The following DUX4 variants were observed in gnomAD, a reference collection of about 807,000 sequenced individuals.
The protein encoded by DUX4 is double homeobox 4.
At chr4:190,181,719 AC>A (rs1742591702) in intron 1 of DUX4, among the ~76,000 whole-genome samples, 31 of 134,936 alleles carry the variant, frequency 2.3e-4, no homozygotes, top group East Asian at 4.4e-4. Flanking sequence ...CAGATCCAAC[AC>A]AAGAGTTACA....
chr4:190,179,069 A>ACATCT (rs1742476693), downstream of DUX4, among the ~76,000 whole-genome samples: 1 of 1,694 alleles, frequency 5.9e-4, no homozygotes, highest in Non-Finnish European at 1.1e-3. Context: ...GAGTCCCATT[A>ACATCT]CTTGGGTGAT....
downstream of DUX4, chr4:190,175,932 G>C (rs1463561773): frequency 1.6e-5 from 2 of 123,952 alleles, 1 homozygote; most frequent in Non-Finnish European, 3.5e-5. Context: ...ACAGAACTTC[G>C]GTGATCAGTG....
chr4:190,177,199 G>GGCAGAGCCTAGATAAAT (rs1742351221), downstream of DUX4, among the ~76,000 whole-genome samples: 1 of 125,618 alleles, frequency 8.0e-6, no homozygotes, highest in Non-Finnish European at 1.7e-5. Flanking sequence ...CGCCCCTGTA[G>GGCAGAGCCTAGATAAAT]GCAGAGCCTA....
rs1276279020 is a variant in DUX4, at chr4:190,183,740, C to A, written n.93-1601C>A. On this transcript the variant is annotated intron_variant and non_coding_transcript_variant, in intron 1 of 2. Transcript: ENST00000563716. ...TTAAGGAAAATATGCTAATTTTAAACTCCAAATACTTATGAATGGCAGAGA... is the reference window on the plus strand; with the variant it reads ...TTAAGGAAAATATGCTAATTTTAAAATCCAAATACTTATGAATGGCAGAGA... Among the ~76,000 whole-genome samples, 3 of 115,212 alleles carry A rather than the reference C, an allele frequency of 2.6e-5. 1 individual carries two copies. Among genetic ancestry groups the A allele is most frequent in the Admixed American group, 2.1e-4 (2 of 9,664 alleles). The allele number at this position is 115,212 out of a possible 152,430, so 75.6% of individuals were successfully genotyped here.
chr4:190,176,574 C>T (rs1385087829), downstream of DUX4, among the ~76,000 whole-genome samples: 2 of 109,652 alleles, frequency 1.8e-5, no homozygotes, highest in Admixed American at 2.2e-4. Context: ...AGTCATAAAG[C>T]CTCCTGTAGG....
intron 1 of DUX4, among the ~76,000 whole-genome samples, chr4:190,181,320 C>CT: frequency 1.4e-5 from 1 of 69,150 alleles, no homozygotes; most frequent in Non-Finnish European, 2.9e-5. Context: ...AGAAGAGTCC[C>CT]ATCCCCTGGG....
At chr4:190,178,630 C>CT (rs1742438080), downstream of DUX4, among the ~76,000 whole-genome samples, 1 of 149,224 alleles carries the variant, frequency 6.7e-6, no homozygotes. Flanking sequence ...GTCGAAATTC[C>CT]CTGTAGGCAG....
chr4:190,175,496 G>T (rs1742241413), intron 1 of DUX4, among the ~76,000 whole-genome samples, 151 bp from the exon 2 acceptor site: 1 of 78,914 alleles, frequency 1.3e-5, no homozygotes, highest in African/African-American at 3.2e-5. Flanking sequence ...GCAGCGTCCG[G>T]GCCTGACACC....
intron 1 of DUX4, chr4:190,182,208 T>TAGGGTTAGGGTGAGGGTG (rs1742605917): frequency 9.1e-6 from 1 of 110,390 alleles, no homozygotes; most frequent in Non-Finnish European, 2.1e-5. Flanking sequence ...GGGTGAGGGT[T>TAGGGTTAGGGTGAGGGTG]AGGGTGAGGG....
At chr4:190,182,287 T>A (rs1742609866) in intron 1 of DUX4, 1 of 102,294 alleles carries the variant, frequency 9.8e-6, no homozygotes, top group African/African-American at 2.8e-5. Flanking sequence ...GGTTAGGGGT[T>A]AGGCTTAGGC....
downstream of DUX4, among the ~76,000 whole-genome samples, chr4:190,176,255 C>A (rs1382244957): frequency 8.8e-6 from 1 of 113,062 alleles, no homozygotes; most frequent in African/African-American, 2.6e-5. Context: ...AAAGCCCAGA[C>A]AATTTTTACA....
downstream of DUX4, among the ~76,000 whole-genome samples, chr4:190,177,865 TC>T (rs1579833429): frequency 1.3e-5 from 2 of 150,700 alleles, no homozygotes; most frequent in Non-Finnish European, 1.5e-5. Context: ...CAGAGATATG[TC>T]ACAATGTCCC....
downstream of DUX4, among the ~76,000 whole-genome samples, chr4:190,176,808 G>T (rs1742322741): frequency 8.6e-6 from 1 of 116,650 alleles, no homozygotes; most frequent in Non-Finnish European, 1.9e-5. Flanking sequence ...GACAAGAGTT[G>T]AATCACCTCA....
At chr4:190,178,561 CCCCT>C (rs1742433053), downstream of DUX4, among the ~76,000 whole-genome samples, 1 of 41,094 alleles carries the variant, frequency 2.4e-5, no homozygotes, top group African/African-American at 1.5e-4. Context: ...TTCACAACGC[CCCCT>C]GTAGGCAGAG....
intron 1 of DUX4, among the ~76,000 whole-genome samples, chr4:190,181,547 G>GTGGTATGTCACTATGCCC (rs1742580858): frequency 8.4e-6 from 1 of 119,048 alleles, no homozygotes. Flanking sequence ...GATCAATGCA[G>GTGGTATGTCACTATGCCC]CGATATGTCA....
chr4:190,179,811 TACATCACTTA>T (rs1742515055), downstream of DUX4, among the ~76,000 whole-genome samples: 1 of 151,360 alleles, frequency 6.6e-6, no homozygotes, highest in African/African-American at 2.4e-5. Context: ...ACACAAGTAT[TACATCACTTA>T]GGTGATCAGT....
At chr4:190,180,027 T>C (rs1372530128), downstream of DUX4, among the ~76,000 whole-genome samples, 20 of 16,710 alleles carry the variant, frequency 1.2e-3, no homozygotes, top group East Asian at 0.01. Context: ...ACATCACCTG[T>C]GTGATCAGTG....
At position 190,183,307 on chromosome 4, in the gene DUX4, G is replaced by A. The variant is rs1444713764; in HGVS notation, n.93-2034G>A. 2 of 109,284 alleles carry A rather than the reference G, an allele frequency of 1.8e-5. 1 individual carries two copies. Among genetic ancestry groups the A allele is most frequent in the Non-Finnish European group, 4.3e-5 (2 of 46,722 alleles). 6.8% of individuals were successfully genotyped at this position (109,284 alleles called of 1,614,324 possible). Reference sequence around the variant, plus strand: ...GACAGTTTCTCCTCATGGAAAGGTAGTGTGTTCCTGCTAAATCATGGACAA... The same window carrying A: ...GACAGTTTCTCCTCATGGAAAGGTAATGTGTTCCTGCTAAATCATGGACAA... On this transcript the variant is annotated intron_variant and non_coding_transcript_variant, in intron 1 of 2. Coordinates refer to the DUX4 transcript ENST00000563716.
At chr4:190,179,572 G>C (rs1742504118), downstream of DUX4, among the ~76,000 whole-genome samples, 76 of 151,488 alleles carry the variant, frequency 5.0e-4, no homozygotes, top group Admixed American at 5.9e-4. Flanking sequence ...GCAGTGATAT[G>C]TCACAATGCT....
Sources: allele counts gnomAD v4.1 joint callset (sites outside exome capture counted in the v4.1 genomes callset), GRCh38; gene constraint gnomAD v4.1.1; transcripts MANE v1.5; gene names NCBI Gene and HGNC (gene_info 2026-07-23, HGNC 2026-07-21).